GMPS: variants seen among roughly 807,000 people sequenced by gnomAD.
The protein encoded by GMPS is guanosine monophosphate synthase, also known as GMP synthase [glutamine-hydrolyzing].
A neutral mutation model predicts 77.9 loss-of-function variants in GMPS; 15 were observed. That is an observed-to-expected ratio of 0.19 (90% CI 0.13 to 0.30). GMPS has a LOEUF of 0.30. GMPS is among the 10% of genes least tolerant of loss of function. The pLI, the probability that GMPS is intolerant of heterozygous loss-of-function variation, is 1.00. For synonymous variants in GMPS, 224 were observed against 275.9 expected, an observed-to-expected ratio of 0.81 and a Z score of 1.86; for missense variants, 590 against 838.8, an observed-to-expected ratio of 0.70 and a Z score of 3.66.
intron 5 of GMPS, 118 bp downstream of exon 5, chr3:155,906,381 T>G (rs1197175520): frequency 3.6e-6 from 2 of 556,354 alleles, no homozygotes; most frequent in African/African-American, 3.9e-5. Context: ...TTTCTTCTCT[T>G]TTTTTTAAAG....
chr3:155,928,972 T>C (rs1352071221), intron 12 of GMPS, among the ~76,000 whole-genome samples: 1 of 150,858 alleles, frequency 6.6e-6, no homozygotes. Flanking sequence ...GTCTTTGCTA[T>C]TGTGAATAAT....
In GMPS at chr3:155,925,989, T is replaced by C. The variant is rs77498920; in HGVS notation, c.1560+623T>C. ...AAAATGCTACTTGCAAAATGACTAA[T>C]AACTAATAAGATAGTATGTTAATTT... On this transcript the variant is annotated intron_variant, in intron 12 of 15. Coordinates refer to ENST00000496455, the MANE Select transcript of GMPS (RefSeq NM_003875.3). Among the ~76,000 whole-genome samples, 112 of 152,278 alleles carry C rather than the reference T, an allele frequency of 7.4e-4. 1 individual carries two copies. In the East Asian group the frequency reaches 0.02, roughly 27 times the overall value.
chr3:155,939,260 C>G lies in GMPS; in HGVS notation c.*1568C>G. 1 of 218,654 alleles carries G rather than the reference C, an allele frequency of 4.6e-6. No homozygotes were observed. The highest frequency in any genetic ancestry group is 5.8e-5 in the Admixed American group (1 of 17,308). 13.5% of individuals were successfully genotyped at this position (218,654 alleles called of 1,614,324 possible). On this transcript the variant is annotated 3_prime_UTR_variant, in exon 16 of 16. Transcript: ENST00000496455. ...AAAGAGGCTATGTTAGTGATCTGGTCTTTACAGATTTAGAGTCATGTTATT... is the reference window on the plus strand; with the variant it reads ...AAAGAGGCTATGTTAGTGATCTGGTGTTTACAGATTTAGAGTCATGTTATT...
intron 12 of GMPS, among the ~76,000 whole-genome samples, chr3:155,928,426 A>T (rs577073532): frequency 2.0e-5 from 3 of 152,018 alleles, no homozygotes; most frequent in Admixed American, 2.0e-4. Flanking sequence ...TACTTCTCTA[A>T]TCTGTTACTT....
intron 5 of GMPS, among the ~76,000 whole-genome samples, chr3:155,910,441 C>T (rs899165016): frequency 1.3e-4 from 20 of 151,770 alleles, no homozygotes; most frequent in Non-Finnish European, 2.5e-4. Context: ...TGGTGGCACA[C>T]GCCTGTAATG....
chr3:155,936,701 G>A (rs1755774565), intron 15 of GMPS, among the ~76,000 whole-genome samples, 191 bp downstream of exon 15: 2 of 151,822 alleles, frequency 1.3e-5, no homozygotes. Context: ...AATTATATAT[G>A]CTCTCCAATT....
upstream of GMPS, among the ~76,000 whole-genome samples, chr3:155,869,490 G>A (rs997137040): frequency 6.6e-6 from 1 of 152,154 alleles, no homozygotes; most frequent in East Asian, 1.9e-4. Context: ...TCAAAAAAAG[G>A]TAAGCGAAAT....
intron 3 of GMPS, among the ~76,000 whole-genome samples, chr3:155,903,086 C>T (rs955152559): frequency 4.6e-5 from 7 of 152,126 alleles, no homozygotes; most frequent in African/African-American, 1.7e-4. Context: ...ATGGGTCAAC[C>T]TGCATTACAC....
At position 155,940,944 on chromosome 3, in the gene GMPS, G is replaced by A; in HGVS notation, c.*3252G>A. The A allele has an allele frequency of 4.8e-6, 1 of 209,618 alleles. No individual in the cohort carries two copies. The highest frequency in any genetic ancestry group is 9.7e-6 in the Non-Finnish European group (1 of 103,094). 13.0% of individuals were successfully genotyped at this position (209,618 alleles called of 1,614,324 possible). On this transcript the variant is annotated 3_prime_UTR_variant, in exon 16 of 16. Transcript: ENST00000496455. ...TGGTAGGAATCTCTCTTTACTGCGT[G>A]TTTTTTTGAAAAGCTGACAGAGAAT...
At position 155,934,891 on chromosome 3, in the gene GMPS, A is replaced by G. The variant is rs754057215; in HGVS notation, c.1677-25A>G. On this transcript the variant is annotated intron_variant, in intron 13 of 15. Coordinates refer to ENST00000496455, the MANE Select transcript of GMPS (RefSeq NM_003875.3). ...TCTACATTTGAAATGTAATTGCTGTATTATTTTTACCTCTTTGTTTCCAGA... is the reference window on the plus strand; with the variant it reads ...TCTACATTTGAAATGTAATTGCTGTGTTATTTTTACCTCTTTGTTTCCAGA... 1.4e-5 allele frequency: 21 copies of G among 1,465,598 alleles called. No homozygotes were observed. In the South Asian group the frequency reaches 1.9e-4, roughly 14 times the overall value. 90.8% of individuals were successfully genotyped at this position (1,465,598 alleles called of 1,614,324 possible).
chr3:155,902,457 A>G (rs549750055), intron 3 of GMPS, among the ~76,000 whole-genome samples: 24 of 152,200 alleles, frequency 1.6e-4, no homozygotes, highest in Non-Finnish European at 2.9e-4. Context: ...TAAAAATTAT[A>G]TTTTGTGATG....
intron 10 of GMPS, among the ~76,000 whole-genome samples, chr3:155,921,673 T>A (rs1165695595): frequency 6.6e-6 from 1 of 152,088 alleles, no homozygotes; most frequent in Non-Finnish European, 1.5e-5. Context: ...GTGCTTGTAA[T>A]CCAAGCTATT....
intron 2 of GMPS, among the ~76,000 whole-genome samples, chr3:155,896,291 G>A (rs540824610): frequency 3.9e-5 from 6 of 152,168 alleles, no homozygotes; most frequent in Non-Finnish European, 7.3e-5. Context: ...TTACAGGTGT[G>A]AGCCACCATG....
intron 10 of GMPS, among the ~76,000 whole-genome samples, chr3:155,920,099 C>T (rs1174436709): frequency 2.0e-5 from 3 of 152,176 alleles, no homozygotes; most frequent in Non-Finnish European, 4.4e-5. Context: ...ATTTAATCTT[C>T]ACAGTGGAAA....
intron 1 of GMPS, among the ~76,000 whole-genome samples, chr3:155,877,484 AC>A (rs1429214953): frequency 2.0e-5 from 3 of 152,030 alleles, no homozygotes; most frequent in Non-Finnish European, 4.4e-5. Flanking sequence ...AGTCAAAAAA[AC>A]ATTCTCATCC....
At chr3:155,889,552 G>A (rs140190052) in intron 1 of GMPS, among the ~76,000 whole-genome samples, 75 of 152,314 alleles carry the variant, frequency 4.9e-4, no homozygotes, top group African/African-American at 1.7e-3. Flanking sequence ...CGTAGGTGCT[G>A]TAGCACTAGG....
rs775963332 is a variant in GMPS, at chr3:155,931,861, A to G, written c.1657A>G (p.Met553Val). ...TTTTCTGGCTAGGCTTATACCTCGC[A>G]TGTGTCACAACGTTAACAGGTGTGT... The part of the protein sequence containing the change: ...LIFLARLIPR[M>V]CHNVNRVVYI... The change falls in exon 13 of 16, where the codon ATG becomes GTG. Residue 553 changes from methionine (M) to valine (V), a missense_variant. Coordinates refer to ENST00000496455, the MANE Select transcript of GMPS (RefSeq NM_003875.3). 5 of 1,539,360 alleles carry G rather than the reference A, an allele frequency of 3.2e-6. No homozygotes were observed. The highest frequency in any genetic ancestry group is 1.7e-4 in the Middle Eastern group (1 of 5,924).
chr3:155,927,295 A>G (rs144714962), intron 12 of GMPS, among the ~76,000 whole-genome samples: 2 of 152,308 alleles, frequency 1.3e-5, no homozygotes, highest in Non-Finnish European at 2.9e-5. Context: ...ATATAAAAAT[A>G]GAATTGTGGA....
chr3:155,930,004 G>GA (rs1755568927), intron 12 of GMPS, among the ~76,000 whole-genome samples: 1 of 149,722 alleles, frequency 6.7e-6, no homozygotes, highest in African/African-American at 2.5e-5. Flanking sequence ...CACAGAATTG[G>GA]AAAAAACTAA....
Sources: gnomAD v4.1 joint callset for allele counts (sites outside exome capture counted in the v4.1 genomes callset) on GRCh38, gnomAD v4.1.1 for gene constraint, MANE v1.5 for transcripts, NCBI Gene and HGNC (gene_info 2026-07-23, HGNC 2026-07-21) for gene names.